The following VPS54 variants were observed in gnomAD, a reference collection of about 807,000 sequenced individuals.
The protein encoded by VPS54 is vacuolar protein sorting-associated protein 54.
Under a neutral mutation model 121.5 loss-of-function variants are expected in VPS54, and 45 were observed. The ratio of observed to expected loss-of-function variants is 0.37; its 90% CI spans 0.29 to 0.47. The LOEUF is 0.47. Among genes scored for constraint, VPS54 ranks in the 20% least tolerant of loss-of-function variants. The pLI is 0.99. For synonymous variants in VPS54, 371 were observed against 385.8 expected, an observed-to-expected ratio of 0.96 and a Z score of 0.45; for missense variants, 1,090 against 1,131.4, an observed-to-expected ratio of 0.96 and a Z score of 0.52.
Position 63,983,844 on chromosome 2 carries a change from A to G in VPS54, c.136+20T>C. 1 of 1,573,426 alleles carries G rather than the reference A, an allele frequency of 6.4e-7. No individual in the cohort carries two copies. The highest frequency in any genetic ancestry group is 8.6e-7 in the Non-Finnish European group (1 of 1,162,602). On this transcript the variant is annotated intron_variant, in intron 2 of 22. Transcript: ENST00000272322. Reference sequence around the variant, plus strand: ...AATAGAAATCATCAGTAAAAATCCTACAAAAAAAAAAAGCATTACCTGTGG... The same window carrying G: ...AATAGAAATCATCAGTAAAAATCCTGCAAAAAAAAAAAGCATTACCTGTGG...
At chr2:64,005,541 C>T (rs545345637) in intron 1 of VPS54, among the ~76,000 whole-genome samples, 1 of 152,314 alleles carries the variant, frequency 6.6e-6, no homozygotes, top group East Asian at 1.9e-4. Context: ...GCTACAGGTA[C>T]TGTAAATGTA....
At chr2:63,915,194 T>TA (rs1359536671) in intron 16 of VPS54, among the ~76,000 whole-genome samples, 2 of 117,154 alleles carry the variant, frequency 1.7e-5, no homozygotes, top group African/African-American at 6.6e-5. Flanking sequence ...CCGAAGATGA[T>TA]AAAGTTATCA....
Position 63,944,649 on chromosome 2 carries a change from T to C in VPS54, c.1252A>G (p.Ile418Val). 1 of 1,608,910 alleles carries C rather than the reference T, an allele frequency of 6.2e-7. No individual in the cohort carries two copies. Among genetic ancestry groups the C allele is most frequent in the Non-Finnish European group, 8.5e-7 (1 of 1,178,082 alleles). The change falls in exon 10 of 23, where the codon ATT (isoleucine) becomes GTT (valine). Residue 418 changes from isoleucine (I) to valine (V), a missense_variant. Transcript: ENST00000272322. ...TAKNIIKQCV[I>V]NKVSQTEEID... is the part of the protein sequence containing the mutation. The stretch of plus-strand genomic sequence containing the variant: ...TCTTCTGTTTGTGAAACTTTATTAA[T>C]CACACACTGCAAAATTTAAGAAAAA...
chr2:63,926,371 G>A (rs1254901936), intron 12 of VPS54, among the ~76,000 whole-genome samples: 2 of 152,208 alleles, frequency 1.3e-5, no homozygotes, highest in African/African-American at 4.8e-5. Context: ...CCTGAACACA[G>A]AAGAAACTTT....
intron 3 of VPS54, among the ~76,000 whole-genome samples, chr2:63,980,896 C>CA (rs1294687476): frequency 2.2e-4 from 33 of 151,512 alleles, no homozygotes; most frequent in Middle Eastern, 6.9e-3. Flanking sequence ...CACACAAAGG[C>CA]AAATAAAATA....
At position 63,961,121 on chromosome 2, in the gene VPS54, T is replaced by C. The variant is rs142491860; in HGVS notation, c.1010+937A>G. 4.3e-3 allele frequency among the ~76,000 whole-genome samples: 649 copies of C among 152,296 alleles called. 4 individuals are homozygous for C. The highest frequency in any genetic ancestry group is 0.015 in the African/African-American group (634 of 41,572). On this transcript the variant is annotated intron_variant, in intron 7 of 22. Coordinates refer to ENST00000272322, the MANE Select transcript of VPS54 (RefSeq NM_016516.3). ...CATGCCAAATAAATTGTAGAGACTT[T>C]TAGAGCACTGAACATCTCTACTTCA...
intron 1 of VPS54, among the ~76,000 whole-genome samples, chr2:64,014,323 C>A (rs996161825): frequency 3.1e-4 from 47 of 152,274 alleles, no homozygotes; most frequent in African/African-American, 1.1e-3. Flanking sequence ...GAATAAGTCA[C>A]TTCCAAAAAT....
chr2:63,918,409 G>A (rs1199359590), intron 15 of VPS54, among the ~76,000 whole-genome samples: 1 of 151,976 alleles, frequency 6.6e-6, no homozygotes, highest in Non-Finnish European at 1.5e-5. Context: ...ATAGAGGGAA[G>A]TCAATTAAAT....
chr2:63,912,302 T>C, intron 20 of VPS54, 43 bp downstream of exon 20: 1 of 1,481,216 alleles, frequency 6.8e-7, no homozygotes, highest in Non-Finnish European at 9.2e-7. Context: ...TAGAAAATCA[T>C]AATGTCTTTG....
intron 12 of VPS54, among the ~76,000 whole-genome samples, chr2:63,923,635 T>G (rs868857363): frequency 6.6e-6 from 1 of 152,290 alleles, no homozygotes; most frequent in African/African-American, 2.4e-5. Context: ...GGAAGAAAAT[T>G]TTGATATATG....
chr2:63,983,635 G>C (rs1241589532), intron 2 of VPS54, among the ~76,000 whole-genome samples: 1 of 148,856 alleles, frequency 6.7e-6, no homozygotes, highest in South Asian at 2.1e-4. Context: ...GTAGAGACAG[G>C]GTTTCACCAT....
chr2:64,014,400 ATCTTT>A (rs768779234), intron 1 of VPS54, among the ~76,000 whole-genome samples: 1 of 152,188 alleles, frequency 6.6e-6, no homozygotes, highest in Non-Finnish European at 1.5e-5. Flanking sequence ...AAACAAGGTA[ATCTTT>A]TCTTAATAAG....
At chr2:63,940,090 T>G (rs915155395) in intron 11 of VPS54, among the ~76,000 whole-genome samples, 1 of 152,152 alleles carries the variant, frequency 6.6e-6, no homozygotes, top group Non-Finnish European at 1.5e-5. Context: ...TATCATAATG[T>G]ATGTATTTTC....
At position 63,907,518 on chromosome 2, in the gene VPS54, C is replaced by CA. The variant is rs113824223; in HGVS notation, c.2625+4826dup. ...GGGCAACAAGAGAGAAACTCCATCTCAAAAAAAAAAAAAAAAGAAAAGAAA... is the reference window on the plus strand; with the variant it reads ...GGGCAACAAGAGAGAAACTCCATCTCAAAAAAAAAAAAAAAAAGAAAAGAAA... On this transcript the variant is annotated intron_variant, in intron 20 of 22. Transcript: ENST00000272322. Among the ~76,000 whole-genome samples, 524 of 89,360 alleles carry CA rather than the reference C, an allele frequency of 5.9e-3. 2 individuals carry two copies. Among genetic ancestry groups the CA allele is most frequent in the East Asian group, 0.017 (41 of 2,428 alleles). 58.6% of individuals were successfully genotyped at this position (89,360 alleles called of 152,430 possible). A position where few individuals can be genotyped will look rare whatever the true frequency, so the allele number is the denominator to read the frequency against.
At chr2:63,945,142 T>A (rs1674919168) in intron 9 of VPS54, among the ~76,000 whole-genome samples, 2 of 152,138 alleles carry the variant, frequency 1.3e-5, no homozygotes, top group African/African-American at 4.8e-5. Flanking sequence ...TCAACCTAAA[T>A]GCCCATCAAT....
At chr2:63,975,015 A>G (rs924946118) in intron 3 of VPS54, 1 of 1,549,636 alleles carries the variant, frequency 6.5e-7, no homozygotes, top group East Asian at 2.4e-5. Flanking sequence ...GGAAGCATCT[A>G]GTTTCCCCAT....
intron 1 of VPS54, among the ~76,000 whole-genome samples, chr2:63,985,863 G>A (rs1336490651): frequency 6.6e-6 from 1 of 152,166 alleles, no homozygotes; most frequent in South Asian, 2.1e-4. Context: ...CACATTAAGT[G>A]TATGGTTGTT....
At chr2:63,973,826 G>GT (rs1676396815) in intron 3 of VPS54, among the ~76,000 whole-genome samples, 1 of 152,142 alleles carries the variant, frequency 6.6e-6, no homozygotes, top group South Asian at 2.1e-4. Context: ...ATTACAAGGT[G>GT]TAAGCCACCA....
At chr2:63,994,821 G>C (rs1490074647) in intron 1 of VPS54, among the ~76,000 whole-genome samples, 1 of 152,190 alleles carries the variant, frequency 6.6e-6, no homozygotes, top group Non-Finnish European at 1.5e-5. Flanking sequence ...CTCACATGCA[G>C]TAATGTTTAT....
Sources: allele counts gnomAD v4.1 joint callset (sites outside exome capture counted in the v4.1 genomes callset), GRCh38; gene constraint gnomAD v4.1.1; transcripts MANE v1.5; gene names NCBI Gene and HGNC (gene_info 2026-07-23, HGNC 2026-07-21).